Variants in MYO3B observed in about 807,000 individuals in gnomAD.
The protein encoded by MYO3B is myosin IIIB.
MYO3B carries 156 observed loss-of-function variants against 174.6 expected under a neutral mutation model. The observed-to-expected ratio is 0.89, with a 90% CI of 0.78 to 1.02. The LOEUF (loss-of-function observed/expected upper bound fraction) is 1.02. MYO3B is among the 50% of genes least tolerant of loss of function. The pLI is 0.00. For missense variants in MYO3B, 1,632 were observed against 1,639.4 expected (o/e 1.00, Z 0.08); for synonymous variants, 563 against 569.1 (o/e 0.99, Z 0.15).
intron 25 of MYO3B, among the ~76,000 whole-genome samples, chr2:170,478,751 A>C (rs140576211): frequency 0.034 from 5,083 of 150,038 alleles, 126 homozygotes; most frequent in South Asian, 0.12. Flanking sequence ...TTGTATTTTT[A>C]GTAGAGATGG....
At chr2:170,506,672 G>A (rs890137440) in intron 28 of MYO3B, among the ~76,000 whole-genome samples, 4 of 152,180 alleles carry the variant, frequency 2.6e-5, no homozygotes, top group African/African-American at 7.2e-5. Flanking sequence ...TCTTTGGAAT[G>A]GAGCTCTGTA....
At chr2:170,544,324 A>C (rs1233020749) in intron 32 of MYO3B, among the ~76,000 whole-genome samples, 1 of 152,200 alleles carries the variant, frequency 6.6e-6, no homozygotes, top group Non-Finnish European at 1.5e-5. Flanking sequence ...GAAATCTAGG[A>C]GTTGATAAAG....
chr2:170,638,548 T>C lies in MYO3B; in HGVS notation c.3734-13080T>C, dbSNP rs544974108. Reference sequence around the variant, plus strand: ...ACAGATGAGGCTCCAAGAGGTTAACTGGCGATTACTCTGGAGTTACAGCAT... The same window carrying C: ...ACAGATGAGGCTCCAAGAGGTTAACCGGCGATTACTCTGGAGTTACAGCAT... On this transcript the variant is annotated intron_variant, in intron 32 of 34. Transcript: ENST00000408978. 2.7e-3 allele frequency among the ~76,000 whole-genome samples: 405 copies of C among 152,354 alleles called. 4 individuals are homozygous for C. Among genetic ancestry groups the C allele is most frequent in the South Asian group, 4.6e-3 (22 of 4,830 alleles).
At chr2:170,453,898 A>G (rs529250193) in intron 23 of MYO3B, among the ~76,000 whole-genome samples, 134 of 152,352 alleles carry the variant, frequency 8.8e-4, no homozygotes, top group South Asian at 7.9e-3. Context: ...ACCTCCAACC[A>G]GGAATTCAAT....
chr2:170,643,912 A>C (rs1050172921), intron 32 of MYO3B: 1 of 152,246 alleles, frequency 6.6e-6, no homozygotes. Context: ...ACTTCCTTCA[A>C]GCTTGCTAGG....
intron 23 of MYO3B, among the ~76,000 whole-genome samples, chr2:170,454,083 A>G (rs1000461658): frequency 2.0e-5 from 3 of 152,190 alleles, no homozygotes; most frequent in Non-Finnish European, 2.9e-5. Context: ...CACACACACA[A>G]CAAAGACAAG....
At chr2:170,345,739 A>C (rs188096126) in intron 8 of MYO3B, among the ~76,000 whole-genome samples, 1 of 151,094 alleles carries the variant, frequency 6.6e-6, no homozygotes, top group East Asian at 1.9e-4. Context: ...GGGCCATTAC[A>C]GATGTAATTA....
At chr2:170,554,593 T>TTAA (rs1464950347) in intron 32 of MYO3B, among the ~76,000 whole-genome samples, 1 of 152,230 alleles carries the variant, frequency 6.6e-6, no homozygotes, top group African/African-American at 2.4e-5. Context: ...CTGCGACTCA[T>TTAA]TAAAGCACAT....
chr2:170,383,993 G>A (rs2094355222), intron 12 of MYO3B, 179 bp downstream of exon 12: 1 of 539,030 alleles, frequency 1.9e-6, no homozygotes, highest in Middle Eastern at 3.1e-4. Context: ...ATAGCATCGG[G>A]AGAATGTGAA....
chr2:170,400,652 C>CG (rs1444142635), intron 17 of MYO3B, among the ~76,000 whole-genome samples: 8 of 140,534 alleles, frequency 5.7e-5, no homozygotes, highest in East Asian at 3.4e-4. Flanking sequence ...ATCCACCCCC[C>CG]CCCCCTCGGC....
chr2:170,557,206 C>G (rs1575161323), intron 32 of MYO3B, among the ~76,000 whole-genome samples: 1 of 147,876 alleles, frequency 6.8e-6, no homozygotes, highest in East Asian at 2.0e-4. Context: ...GTGGCACGAT[C>G]TCGGCTCACT....
intron 32 of MYO3B, among the ~76,000 whole-genome samples, chr2:170,577,201 C>G (rs1264153591): frequency 6.6e-6 from 1 of 152,154 alleles, no homozygotes; most frequent in Non-Finnish European, 1.5e-5. Context: ...GCAAAAAATT[C>G]TATGTAAAGC....
intron 22 of MYO3B, among the ~76,000 whole-genome samples, chr2:170,408,912 C>T (rs1301552775): frequency 6.6e-6 from 1 of 152,142 alleles, no homozygotes; most frequent in Non-Finnish European, 1.5e-5. Flanking sequence ...TCCAGACCTT[C>T]CTTGGAGCAG....
intron 23 of MYO3B, among the ~76,000 whole-genome samples, chr2:170,451,697 A>G (rs985989766): frequency 1.3e-5 from 2 of 152,232 alleles, no homozygotes; most frequent in Non-Finnish European, 2.9e-5. Context: ...ACAGACATGA[A>G]TATACACAGA....
chr2:170,386,941 T>C (rs962431106), intron 13 of MYO3B, among the ~76,000 whole-genome samples, 165 bp from the exon 14 acceptor site: 1 of 152,178 alleles, frequency 6.6e-6, no homozygotes, highest in African/African-American at 2.4e-5. Flanking sequence ...ATCTGGGGAG[T>C]TGCTCATATG....
chr2:170,358,954 T>A (rs2094142030), intron 8 of MYO3B, among the ~76,000 whole-genome samples: 1 of 152,196 alleles, frequency 6.6e-6, no homozygotes, highest in African/African-American at 2.4e-5. Context: ...GCCCTTGTCA[T>A]CTTATTCCAC....
chr2:170,243,757 A>T (rs1452001101), intron 7 of MYO3B, among the ~76,000 whole-genome samples: 1 of 152,230 alleles, frequency 6.6e-6, no homozygotes, highest in African/African-American at 2.4e-5. Context: ...CTATTCAAAA[A>T]GAGCCACCCA....
At chr2:170,435,375 C>T (rs2094745493) in intron 22 of MYO3B, among the ~76,000 whole-genome samples, 1 of 152,176 alleles carries the variant, frequency 6.6e-6, no homozygotes, top group African/African-American at 2.4e-5. Context: ...AATGAACTGT[C>T]AGGTTGATCC....
chr2:170,236,847 A>G (rs1265998929), intron 7 of MYO3B, among the ~76,000 whole-genome samples: 1 of 152,218 alleles, frequency 6.6e-6, no homozygotes, highest in Admixed American at 6.5e-5. Flanking sequence ...GTCTCTTTCA[A>G]AGGAAGGCTC....
Sources: gnomAD v4.1 joint callset for allele counts (sites outside exome capture counted in the v4.1 genomes callset) on GRCh38, gnomAD v4.1.1 for gene constraint, MANE v1.5 for transcripts, NCBI Gene and HGNC (gene_info 2026-07-23, HGNC 2026-07-21) for gene names.